The following WDFY4 variants were observed in gnomAD, a reference collection of about 807,000 sequenced individuals.
WDFY4 encodes WDFY family member 4.
WDFY4 carries 169 observed loss-of-function variants against 351.9 expected under a neutral mutation model. The ratio of observed to expected loss-of-function variants is 0.48; its 90% CI spans 0.42 to 0.55. WDFY4 has a LOEUF of 0.55. Among genes scored for constraint, WDFY4 ranks in the 20% least tolerant of loss-of-function variants. The probability of loss-of-function intolerance (pLI) is 0.00; values close to 1 mark genes in which losing one functional copy is unlikely to be tolerated. For synonymous variants in WDFY4, 1,622 were observed against 1,574.6 expected (o/e 1.03, Z -0.71); for missense variants, 3,803 against 3,935.6 (o/e 0.97, Z 0.90).
intron 40 of WDFY4, among the ~76,000 whole-genome samples, chr10:48,871,080 C>G (rs111292373): frequency 6.6e-6 from 1 of 152,088 alleles, no homozygotes; most frequent in African/African-American, 2.4e-5. Context: ...ACTACAGGCA[C>G]CTGCCACCAC....
chr10:48,732,194 C>T (rs141649357), intron 9 of WDFY4, among the ~76,000 whole-genome samples: 68 of 152,322 alleles, frequency 4.5e-4, no homozygotes, highest in Non-Finnish European at 8.2e-4. Context: ...TGGGCTCTTG[C>T]ACTGCCTCAC....
chr10:48,740,082 G>A (rs549221598), intron 11 of WDFY4, among the ~76,000 whole-genome samples: 2 of 152,136 alleles, frequency 1.3e-5, no homozygotes, highest in African/African-American at 2.4e-5. Flanking sequence ...TAACAGAAGC[G>A]CTTATTCATT....
At position 48,945,062 on chromosome 10, in the gene WDFY4, G is replaced by A. The variant is rs573682079; in HGVS notation, c.7750-978G>A. ...CACTTGGCCCCCAGTGGAGCTTTGA[G>A]GATTCACTGCTAGTGGAAAGAAAGG... On this transcript the variant is annotated intron_variant, in intron 49 of 61. Coordinates refer to ENST00000325239, the MANE Select transcript of WDFY4 (RefSeq NM_001394531.1). Among the ~76,000 whole-genome samples, 45 of 152,238 alleles carry A rather than the reference G, an allele frequency of 3.0e-4. 1 individual carries two copies. The highest frequency in any genetic ancestry group is 6.8e-3 in the Middle Eastern group (2 of 294).
chr10:48,685,898 T>C (rs906086383), intron 1 of WDFY4, among the ~76,000 whole-genome samples: 3 of 145,622 alleles, frequency 2.1e-5, no homozygotes, highest in African/African-American at 7.7e-5. Flanking sequence ...GGTGGGAGAA[T>C]AGCAGGTAGG....
At chr10:48,732,043 T>G (rs919042148) in intron 9 of WDFY4, among the ~76,000 whole-genome samples, 1 of 152,188 alleles carries the variant, frequency 6.6e-6, no homozygotes, top group Admixed American at 6.5e-5. Context: ...CTTGGTGCCC[T>G]GCTGGGCTGC....
At chr10:48,759,265 T>C (rs903660631) in intron 12 of WDFY4, among the ~76,000 whole-genome samples, 2 of 152,064 alleles carry the variant, frequency 1.3e-5, no homozygotes, top group Non-Finnish European at 2.9e-5. Flanking sequence ...AGCCCAGAGG[T>C]TAATATACAA....
At position 48,817,357 on chromosome 10, in the gene WDFY4, C is replaced by T. The variant is rs907028223; in HGVS notation, c.5453C>T (p.Pro1818Leu). 5.3e-5 allele frequency: 83 copies of T among 1,551,562 alleles called. No homozygotes were observed. The highest frequency in any genetic ancestry group is 6.6e-5 in the Non-Finnish European group (76 of 1,146,986). The change falls in exon 32 of 62, where the codon CCG becomes CTG. Residue 1818 changes from proline to leucine, a missense_variant. Transcript: ENST00000325239. ...CCCCAGGACCCAGCGTGGCGAGCCC[C>T]GGAGTTCCTCCAGACCTTGGCCATA... is the stretch of plus-strand genomic sequence containing the variant. ...TYPQDPAWRA[P>L]EFLQTLAIAA... is the part of the protein sequence containing the mutation.
intron 2 of WDFY4, among the ~76,000 whole-genome samples, chr10:48,710,276 G>C (rs1169828056): frequency 2.0e-5 from 3 of 152,206 alleles, no homozygotes; most frequent in Admixed American, 2.0e-4. Context: ...TTATGTAGTG[G>C]AAGGGGTGAG....
intron 39 of WDFY4, among the ~76,000 whole-genome samples, chr10:48,838,990 G>A (rs187328255): frequency 2.1e-4 from 32 of 152,302 alleles, no homozygotes; most frequent in Non-Finnish European, 1.6e-4. Context: ...AGAATCCCAT[G>A]CTGCAGTTTC....
intron 17 of WDFY4, 114 bp downstream of exon 17, chr10:48,777,609 G>T: frequency 9.3e-7 from 1 of 1,070,100 alleles, no homozygotes; most frequent in Non-Finnish European, 1.4e-6. Flanking sequence ...AGCTGTGCTG[G>T]GCATGGTGGC....
intron 47 of WDFY4, among the ~76,000 whole-genome samples, chr10:48,928,690 C>T (rs1839794973): frequency 6.6e-6 from 1 of 152,214 alleles, no homozygotes; most frequent in Admixed American, 6.5e-5. Flanking sequence ...CTGGTGAGGG[C>T]CCACTGGCGA....
intron 11 of WDFY4, among the ~76,000 whole-genome samples, chr10:48,739,339 G>C (rs150563799): frequency 6.6e-6 from 1 of 152,294 alleles, no homozygotes; most frequent in African/African-American, 2.4e-5. Flanking sequence ...GCTTAACGCT[G>C]ACCTTTCTTG....
At chr10:48,854,968 T>G (rs997517693) in intron 39 of WDFY4, among the ~76,000 whole-genome samples, 3 of 152,232 alleles carry the variant, frequency 2.0e-5, no homozygotes, top group Non-Finnish European at 4.4e-5. Flanking sequence ...TTTCAGCATT[T>G]TATGTCACTT....
At chr10:48,863,681 A>C (rs944185263) in intron 39 of WDFY4, among the ~76,000 whole-genome samples, 3 of 152,132 alleles carry the variant, frequency 2.0e-5, no homozygotes, top group African/African-American at 7.2e-5. Flanking sequence ...TTCGAAGCAC[A>C]AATTTTTACT....
At chr10:48,862,986 A>G (rs1003915961) in intron 39 of WDFY4, among the ~76,000 whole-genome samples, 1 of 152,186 alleles carries the variant, frequency 6.6e-6, no homozygotes, top group Non-Finnish European at 1.5e-5. Flanking sequence ...TTCACTTAGG[A>G]TGTTGCTTTT....
chr10:48,773,114 A>G (rs1040856235), intron 13 of WDFY4, among the ~76,000 whole-genome samples: 1 of 152,226 alleles, frequency 6.6e-6, no homozygotes, highest in African/African-American at 2.4e-5. Context: ...CACACCAGTT[A>G]GAATGGCAAT....
At chr10:48,951,687 G>A (rs1841329660) in intron 51 of WDFY4, among the ~76,000 whole-genome samples, 1 of 152,224 alleles carries the variant, frequency 6.6e-6, no homozygotes, top group South Asian at 2.1e-4. Flanking sequence ...GCTGGAAAAT[G>A]TTATAGTTCT....
chr10:48,804,090 C>T (rs891807828), intron 25 of WDFY4, among the ~76,000 whole-genome samples: 2 of 152,206 alleles, frequency 1.3e-5, no homozygotes, highest in Admixed American at 1.3e-4. Context: ...TGGAAAGTGG[C>T]TTCCCCTCTG....
At chr10:48,818,709 T>C (rs560305399) in intron 32 of WDFY4, among the ~76,000 whole-genome samples, 1 of 152,264 alleles carries the variant, frequency 6.6e-6, no homozygotes, top group Non-Finnish European at 1.5e-5. Context: ...GTAGTTTTAA[T>C]AAAAAGACTA....
Sources: allele counts gnomAD v4.1 joint callset (sites outside exome capture counted in the v4.1 genomes callset), GRCh38; gene constraint gnomAD v4.1.1; transcripts MANE v1.5; gene names NCBI Gene and HGNC (gene_info 2026-07-23, HGNC 2026-07-21).